The following PTPRD variants were observed in gnomAD, a reference collection of about 807,000 sequenced individuals.
PTPRD encodes the protein protein tyrosine phosphatase receptor type D, also known as receptor-type tyrosine-protein phosphatase delta.
Under a neutral mutation model 214.5 loss-of-function variants are expected in PTPRD, and 34 were observed. The ratio of observed to expected loss-of-function variants is 0.16; its 90% CI spans 0.12 to 0.21. PTPRD has a LOEUF of 0.21. PTPRD is among the 10% of genes least tolerant of loss of function. The probability of loss-of-function intolerance (pLI) is 1.00; values close to 1 mark genes in which losing one functional copy is unlikely to be tolerated. For synonymous variants in PTPRD, 1,128 were observed against 845.7 expected, an observed-to-expected ratio of 1.33 and a Z score of -5.79; for missense variants, 2,545 against 2,398.7, an observed-to-expected ratio of 1.06 and a Z score of -1.27.
At chr9:8,803,327 AT>A (rs1318139337) in intron 11 of PTPRD, among the ~76,000 whole-genome samples, 1 of 152,148 alleles carries the variant, frequency 6.6e-6, no homozygotes, top group Non-Finnish European at 1.5e-5. Context: ...CTTCCCTATA[AT>A]TTAATTACCT....
At chr9:9,686,756 G>A (rs1240336793) in intron 7 of PTPRD, among the ~76,000 whole-genome samples, 3 of 151,644 alleles carry the variant, frequency 2.0e-5, no homozygotes, top group Non-Finnish European at 4.4e-5. Flanking sequence ...GTAATACATT[G>A]TGTACATATA....
At chr9:8,793,325 T>C (rs553565798) in intron 11 of PTPRD, among the ~76,000 whole-genome samples, 1 of 152,278 alleles carries the variant, frequency 6.6e-6, no homozygotes, top group South Asian at 2.1e-4. Context: ...TGATAAGGAA[T>C]TGAGGGTTCC....
chr9:9,491,997 C>A (rs190191304), intron 8 of PTPRD, among the ~76,000 whole-genome samples: 36 of 151,712 alleles, frequency 2.4e-4, no homozygotes, highest in Non-Finnish European at 4.3e-4. Flanking sequence ...AATCTTTAGC[C>A]TGATAGACTA....
intron 9 of PTPRD, among the ~76,000 whole-genome samples, chr9:9,296,666 G>C (rs909487995): frequency 6.6e-6 from 1 of 151,678 alleles, no homozygotes; most frequent in East Asian, 2.0e-4. Flanking sequence ...AGTTAAGAGA[G>C]AGAATGTAGA....
At chr9:8,576,024 C>T (rs958810987) in intron 14 of PTPRD, among the ~76,000 whole-genome samples, 16 of 152,132 alleles carry the variant, frequency 1.1e-4, no homozygotes, top group African/African-American at 3.6e-4. Flanking sequence ...TTTAAATCCC[C>T]ACATGTTGTA....
intron 14 of PTPRD, among the ~76,000 whole-genome samples, chr9:8,610,632 T>A (rs1001097747): frequency 2.0e-4 from 30 of 152,210 alleles, no homozygotes; most frequent in South Asian, 8.3e-4. Context: ...CAGACTGACC[T>A]TTAAAGTATT....
At chr9:10,172,030 A>C (rs1306956210) in intron 3 of PTPRD, among the ~76,000 whole-genome samples, 1 of 152,194 alleles carries the variant, frequency 6.6e-6, no homozygotes. Context: ...TTCAAGTTCC[A>C]AAGATTGGTT....
At chr9:8,924,607 G>C (rs1567029986) in intron 11 of PTPRD, among the ~76,000 whole-genome samples, 1 of 152,056 alleles carries the variant, frequency 6.6e-6, no homozygotes, top group Non-Finnish European at 1.5e-5. Context: ...TCCCTAGACA[G>C]ATGAGTCCAT....
chr9:10,321,217 A>T (rs1389321277), intron 3 of PTPRD, among the ~76,000 whole-genome samples: 1 of 152,082 alleles, frequency 6.6e-6, no homozygotes, highest in Non-Finnish European at 1.5e-5. Context: ...GGGAAAAAAA[A>T]CAATGAGAAC....
chr9:8,717,216 G>GA (rs2098446365), intron 12 of PTPRD, among the ~76,000 whole-genome samples: 1 of 152,138 alleles, frequency 6.6e-6, no homozygotes, highest in South Asian at 2.1e-4. Context: ...ACCTCTAGGA[G>GA]AGACACAAAA....
chr9:10,354,873 A>C (rs150343532), intron 2 of PTPRD, among the ~76,000 whole-genome samples: 98 of 152,312 alleles, frequency 6.4e-4, no homozygotes, highest in African/African-American at 2.1e-3. Context: ...AGTACATATC[A>C]TAATTTTGCA....
At chr9:8,433,313 T>C (rs569145574) in intron 35 of PTPRD, among the ~76,000 whole-genome samples, 2 of 152,376 alleles carry the variant, frequency 1.3e-5, no homozygotes, top group African/African-American at 4.8e-5. Context: ...TTAGGTACAG[T>C]ACATAATATT....
intron 7 of PTPRD, among the ~76,000 whole-genome samples, chr9:9,717,620 G>A (rs780708452): frequency 7.9e-5 from 12 of 152,118 alleles, no homozygotes; most frequent in Non-Finnish European, 1.2e-4. Context: ...AAACAAAGAT[G>A]TCTTATGATT....
chr9:9,349,393 C>T (rs2050211511), intron 9 of PTPRD, among the ~76,000 whole-genome samples: 1 of 152,044 alleles, frequency 6.6e-6, no homozygotes, highest in Admixed American at 6.6e-5. Context: ...GATATTTTGT[C>T]TGTCTAATAC....
chr9:10,233,606 T>C (rs2099619437), intron 3 of PTPRD, among the ~76,000 whole-genome samples: 1 of 152,056 alleles, frequency 6.6e-6, no homozygotes, highest in African/African-American at 2.4e-5. Context: ...TTTTTCATTA[T>C]ATTTTACTTG....
At chr9:9,029,059 GA>G (rs1656304483) in intron 10 of PTPRD, among the ~76,000 whole-genome samples, 1 of 151,844 alleles carries the variant, frequency 6.6e-6, no homozygotes, top group East Asian at 1.9e-4. Context: ...GATTCAGTAT[GA>G]AAAATAATAT....
chr9:10,016,249 T>C (rs1034759944), intron 4 of PTPRD, among the ~76,000 whole-genome samples: 6 of 152,202 alleles, frequency 3.9e-5, no homozygotes, highest in Non-Finnish European at 8.8e-5. Flanking sequence ...CATTGTTTTC[T>C]TTTAAAATAC....
intron 34 of PTPRD, among the ~76,000 whole-genome samples, chr9:8,438,342 A>G (rs1477799175): frequency 6.6e-6 from 1 of 152,198 alleles, no homozygotes; most frequent in Non-Finnish European, 1.5e-5. Flanking sequence ...TATGGCTATG[A>G]AGGTCTGCTT....
intron 11 of PTPRD, among the ~76,000 whole-genome samples, chr9:8,965,106 A>G (rs113332347): frequency 2.0e-5 from 3 of 152,082 alleles, no homozygotes; most frequent in African/African-American, 7.2e-5. Flanking sequence ...GGCCAGGCAC[A>G]GTGGTTCATG....
Sources: allele counts gnomAD v4.1 joint callset (sites outside exome capture counted in the v4.1 genomes callset), GRCh38; gene constraint gnomAD v4.1.1; transcripts MANE v1.5; gene names NCBI Gene and HGNC (gene_info 2026-07-23, HGNC 2026-07-21).